Variants in GTSE1 observed in about 807,000 individuals in gnomAD.
The protein encoded by GTSE1 is G2 and S-phase expressed 1.
Under a neutral mutation model 60.5 loss-of-function variants are expected in GTSE1, and 52 were observed. The observed-to-expected ratio is 0.86, with a 90% CI of 0.69 to 1.08. The LOEUF (loss-of-function observed/expected upper bound fraction) is 1.08. Ranked by LOEUF, GTSE1 falls within the 50% of genes least tolerant of loss-of-function variation. GTSE1 has a pLI of 0.00. For synonymous variants in GTSE1, 368 were observed against 386.5 expected, an observed-to-expected ratio of 0.95 and a Z score of 0.56; for missense variants, 937 against 961.8, an observed-to-expected ratio of 0.97 and a Z score of 0.34.
chr22:46,300,692 G>A (rs1453448595), intron 2 of GTSE1, among the ~76,000 whole-genome samples: 1 of 152,196 alleles, frequency 6.6e-6, no homozygotes, highest in Non-Finnish European at 1.5e-5. Context: ...GGGTGCTCAT[G>A]TGTTTGCAGG....
rs2077865858 is a variant in GTSE1, at chr22:46,329,817, G to A, written c.2137-230G>A. 6.6e-6 allele frequency among the ~76,000 whole-genome samples: 1 copy of A among 152,230 alleles called. No homozygotes were observed. The highest frequency in any genetic ancestry group is 6.5e-5 in the Admixed American group (1 of 15,284). On this transcript the variant is annotated intron_variant, in intron 11 of 11. Transcript: ENST00000454366. The surrounding 1 kb of genome is among the most constrained non-coding windows in gnomAD (Gnocchi z 6.4). Reference sequence around the variant, plus strand: ...GCCTCTCTCCTGCCCATAGACCCCAGGGCCAGATGTGGGACAGAGGAATGT... The same window carrying A: ...GCCTCTCTCCTGCCCATAGACCCCAAGGCCAGATGTGGGACAGAGGAATGT...
chr22:46,326,409 T>C (rs2077843976), intron 8 of GTSE1, 27 bp from the exon 9 acceptor site: 2 of 1,546,882 alleles, frequency 1.3e-6, no homozygotes, highest in African/African-American at 1.4e-5. Flanking sequence ...TCATCTCAGC[T>C]CACGACACTG....
intron 2 of GTSE1, among the ~76,000 whole-genome samples, 192 bp from the exon 3 acceptor site, chr22:46,307,957 TA>T (rs767632036): frequency 4.2e-4 from 64 of 152,192 alleles, no homozygotes; most frequent in Non-Finnish European, 7.6e-4. Context: ...AGAAAAAATT[TA>T]AAAAATTTTT....
intron 8 of GTSE1, among the ~76,000 whole-genome samples, chr22:46,325,983 G>A (rs1362382163): frequency 6.6e-6 from 1 of 152,198 alleles, no homozygotes; most frequent in African/African-American, 2.4e-5. Flanking sequence ...CCTTAAGCCT[G>A]GGTATGAGTG....
rs747868772 is a variant in GTSE1, at chr22:46,308,660, C to A, written c.479C>A (p.Ser160Tyr). The A allele has an allele frequency of 6.2e-7, 1 of 1,613,898 alleles. No individual in the cohort carries two copies. The highest frequency in any genetic ancestry group is 1.3e-5 in the African/African-American group (1 of 74,954). The change falls in exon 4 of 12, where the codon TCT becomes TAT. Residue 160 changes from serine to tyrosine, a missense_variant. Physicochemically the swap from Ser to Tyr is moderately radical, Grantham distance 144 (BLOSUM62 -2). Transcript: ENST00000454366. ...KEKEMKKSPT[S>Y]LKRETYYLSD... ...AAGGAAATGAAGAAAAGCCCCACGT[C>A]TCTTAAAAGGGAGACATACTACCTG...
intron 2 of GTSE1, among the ~76,000 whole-genome samples, chr22:46,301,856 C>T (rs749079296): frequency 2.6e-5 from 4 of 152,116 alleles, no homozygotes; most frequent in East Asian, 1.9e-4. Context: ...CGGCCAGGTG[C>T]GGTGGCTTGC....
chr22:46,306,707 C>T (rs749794131), intron 2 of GTSE1, among the ~76,000 whole-genome samples: 7 of 152,090 alleles, frequency 4.6e-5, no homozygotes, highest in African/African-American at 9.7e-5. Context: ...AGGCTGATCT[C>T]GAACTCCTGA....
At position 46,312,205 on chromosome 22, in the gene GTSE1, G is replaced by A. The variant is rs751933283; in HGVS notation, c.827G>A (p.Arg276Gln). The change falls in exon 5 of 12, where the codon CGG becomes CAG. Residue 276 changes from arginine (R) to glutamine (Q), a missense_variant. Coordinates refer to ENST00000454366, the MANE Select transcript of GTSE1 (RefSeq NM_016426.7). ...TKIPAEKESH[R>Q]DVLPDKPAPG... ...ATCCCAGCTGAGAAGGAATCCCACC[G>A]GGATGTTCTCCCTGACAAACCTGCC... The A allele has an allele frequency of 1.9e-5, 31 of 1,614,054 alleles. No homozygotes were observed. Among genetic ancestry groups the A allele is most frequent in the South Asian group, 6.6e-5 (6 of 91,076 alleles).
At position 46,317,931 on chromosome 22, in the gene GTSE1, C is replaced by T. The variant is rs2077790564; in HGVS notation, c.1432+1519C>T. Among the ~76,000 whole-genome samples the T allele has an allele frequency of 6.6e-6, 1 of 152,256 alleles. No homozygotes were observed. The highest frequency in any genetic ancestry group is 2.1e-4 in the South Asian group (1 of 4,838). ...TCCCTGGTAGTTGCTCTTCTCTTGA[C>T]CTTGAGGACTCCTGCCCTGCACCTG... is the stretch of plus-strand genomic sequence containing the variant. On this transcript the variant is annotated intron_variant, in intron 7 of 11. Transcript: ENST00000454366. This position sits in a 1 kb window ranked among gnomAD's most constrained non-coding sequence, Gnocchi z 5.6.
intron 8 of GTSE1, 69 bp from the exon 9 acceptor site, chr22:46,326,367 A>G: frequency 7.5e-7 from 1 of 1,325,024 alleles, no homozygotes; most frequent in South Asian, 1.4e-5. Context: ...GCATTAGCAC[A>G]GGCTGAATGA....
rs756893878 is a variant in GTSE1 at position 46,330,219 on chromosome 22, C to A, written c.*89C>A. On this transcript the variant is annotated 3_prime_UTR_variant, in exon 12 of 12. Coordinates refer to ENST00000454366, the MANE Select transcript of GTSE1 (RefSeq NM_016426.7). The surrounding 1 kb of genome is among the most constrained non-coding windows in gnomAD (Gnocchi z 6.0). ...GCTTTAGGCTGGTCGCAGTGGCTTA[C>A]ACTTGTAACCCTAGAACTTGGGAGG... The A allele has an allele frequency of 3.8e-6, 3 of 783,884 alleles. No homozygotes were observed. The highest frequency in any genetic ancestry group is 6.8e-6 in the Non-Finnish European group (3 of 439,182). 48.6% of individuals were successfully genotyped at this position (783,884 alleles called of 1,614,324 possible). A position where few individuals can be genotyped will look rare whatever the true frequency, so the allele number is the denominator to read the frequency against.
In GTSE1 at chr22:46,319,822, C is replaced by A. The variant is rs1210332530; in HGVS notation, c.1433-3368C>A. Among the ~76,000 whole-genome samples the A allele has an allele frequency of 6.6e-6, 1 of 151,824 alleles. No homozygotes were observed. Among genetic ancestry groups the A allele is most frequent in the Non-Finnish European group, 1.5e-5 (1 of 67,944 alleles). On this transcript the variant is annotated intron_variant, in intron 7 of 11. Coordinates refer to ENST00000454366, the MANE Select transcript of GTSE1 (RefSeq NM_016426.7). This position sits in a 1 kb window ranked among gnomAD's most constrained non-coding sequence, Gnocchi z 5.0. ...TCAACATGGTGAAACCCTGTCTCTA[C>A]TAAAAATAGAAAAATTAGCCAGGCA...
chr22:46,329,777 T>C lies in GTSE1; in HGVS notation c.2136+210T>C, dbSNP rs1322243133. Reference sequence around the variant, plus strand: ...GCCCTGCCAGGACCCTGCCAGCTCTTGTTGGACAGGGACCGCCTCTCTCCT... The same window carrying C: ...GCCCTGCCAGGACCCTGCCAGCTCTCGTTGGACAGGGACCGCCTCTCTCCT... On this transcript the variant is annotated intron_variant, in intron 11 of 11. Coordinates refer to ENST00000454366, the MANE Select transcript of GTSE1 (RefSeq NM_016426.7). This position sits in a 1 kb window ranked among gnomAD's most constrained non-coding sequence, Gnocchi z 6.4. Among the ~76,000 whole-genome samples the C allele has an allele frequency of 6.6e-6, 1 of 152,162 alleles. No homozygotes were observed. Among genetic ancestry groups the C allele is most frequent in the African/African-American group, 2.4e-5 (1 of 41,430 alleles).
Position 46,308,368 on chromosome 22 carries a change from A to G in GTSE1, c.187A>G (p.Arg63Gly), listed in dbSNP as rs770446728. ...VFFGPFGHKERCIAASLELNN... is the reference protein window; with the variant it reads ...VFFGPFGHKEGCIAASLELNN... ...CTTCGGACCCTTTGGACATAAAGAA[A>G]GATGTATTGCTGCCAGCTTGGAATT... Residue 63 changes from arginine (R) to glycine (G), a missense_variant, in exon 4 of 12, where the codon AGA becomes GGA. Transcript: ENST00000454366. 1 of 1,614,128 alleles carries G rather than the reference A, an allele frequency of 6.2e-7. No individual in the cohort carries two copies. The highest frequency in any genetic ancestry group is 1.3e-5 in the African/African-American group (1 of 75,064).
At chr22:46,327,481 G>A (rs1311789657) in intron 9 of GTSE1, among the ~76,000 whole-genome samples, 2 of 152,126 alleles carry the variant, frequency 1.3e-5, no homozygotes, top group Non-Finnish European at 2.9e-5. Context: ...AGACCAACCT[G>A]GCCAACATGG....
chr22:46,309,008 G>A lies in GTSE1; in HGVS notation c.762+65G>A. The stretch of plus-strand genomic sequence containing the variant: ...CTCCTTGCCCCTCAGCCCTCTCACA[G>A]AAGCCACATGCGGAAAGCCTCAGAG... On this transcript the variant is annotated intron_variant, in intron 4 of 11. Coordinates refer to ENST00000454366, the MANE Select transcript of GTSE1 (RefSeq NM_016426.7). This position sits in a 1 kb window ranked among gnomAD's most constrained non-coding sequence, Gnocchi z 6.2. 1.3e-6 allele frequency: 2 copies of A among 1,516,734 alleles called. No individual in the cohort carries two copies. The highest frequency in any genetic ancestry group is 1.8e-6 in the Non-Finnish European group (2 of 1,126,914). The allele number at this position is 1,516,734 out of a possible 1,614,324, so 94.0% of individuals were successfully genotyped here. A position where few individuals can be genotyped will look rare whatever the true frequency, so the allele number is the denominator to read the frequency against.
intron 7 of GTSE1, among the ~76,000 whole-genome samples, chr22:46,322,716 AATT>A (rs561449009): frequency 7.0e-4 from 106 of 152,296 alleles, no homozygotes; most frequent in African/African-American, 2.4e-3. Context: ...CAGTGTAATG[AATT>A]ATTATTATCC....
intron 5 of GTSE1, among the ~76,000 whole-genome samples, chr22:46,312,595 C>T (rs532701436): frequency 7.0e-5 from 10 of 143,596 alleles, no homozygotes; most frequent in East Asian, 6.3e-4. Context: ...GTCATAATCA[C>T]GCCACTGCAC....
chr22:46,311,478 T>C, intron 4 of GTSE1, among the ~76,000 whole-genome samples: 1 of 152,260 alleles, frequency 6.6e-6, no homozygotes, highest in Non-Finnish European at 1.5e-5. Flanking sequence ...GTATACTGTT[T>C]AAAATAGTGA....
Sources: allele counts gnomAD v4.1 joint callset (sites outside exome capture counted in the v4.1 genomes callset), GRCh38; gene constraint gnomAD v4.1.1; non-coding constraint Gnocchi (gnomAD v3.1); transcripts MANE v1.5; gene names NCBI Gene and HGNC (gene_info 2026-07-23, HGNC 2026-07-21).